MAX: variants seen among roughly 807,000 people sequenced by gnomAD.
MAX encodes the protein protein max.
Under a neutral mutation model 22.3 loss-of-function variants are expected in MAX, and 3 were observed. That is an observed-to-expected ratio of 0.13 (90% confidence interval 0.06 to 0.35). The LOEUF (loss-of-function observed/expected upper bound fraction) is 0.35. Among genes scored for constraint, MAX ranks in the 10% least tolerant of loss-of-function variants. MAX has a pLI of 1.00. For missense variants in MAX, 119 were observed against 209.4 expected (o/e 0.57, Z 2.66); for synonymous variants, 72 against 77.7 (o/e 0.93, Z 0.39).
At chr14:65,061,385 A>G in intron 3 of MAX, 1 of 1,595,782 alleles carries the variant, frequency 6.3e-7, no homozygotes, top group Non-Finnish European at 8.5e-7. Flanking sequence ...TTCAATACAT[A>G]CTGCATTCTG....
rs993607346 is a variant in MAX at position 65,007,932 on chromosome 14, A to G, written c.172-1648T>C. On this transcript the variant is annotated intron_variant, in intron 3 of 3. Transcript: ENST00000341653. This position sits in a 1 kb window ranked among gnomAD's most constrained non-coding sequence, Gnocchi z 4.9. ...ATAGAGCCCTGGAGGTTAAGTGCTGACAATGGCTCTGAAGCCAGAATACTC... is the reference window on the plus strand; with the variant it reads ...ATAGAGCCCTGGAGGTTAAGTGCTGGCAATGGCTCTGAAGCCAGAATACTC... Among the ~76,000 whole-genome samples the G allele has an allele frequency of 2.6e-5, 4 of 152,208 alleles. No homozygotes were observed. The highest frequency in any genetic ancestry group is 2.9e-5 in the Non-Finnish European group (2 of 68,038).
In MAX at chr14:65,075,524, A is replaced by T; in HGVS notation, c.*952T>A. The T allele has an allele frequency of 9.4e-7, 1 of 1,065,502 alleles. No individual in the cohort carries two copies. Among genetic ancestry groups the T allele is most frequent in the Non-Finnish European group, 1.1e-6 (1 of 879,136 alleles). The allele number at this position is 1,065,502 out of a possible 1,614,324, so 66.0% of individuals were successfully genotyped here. On this transcript the variant is annotated 3_prime_UTR_variant, in exon 5 of 5. Transcript: ENST00000358664. This position sits in a 1 kb window ranked among gnomAD's most constrained non-coding sequence, Gnocchi z 4.1. ...AAAATCAGTTGGCTCTATTTCTTAGAAATACACACGGGAAGAAAGAAAGAT... is the reference window on the plus strand; with the variant it reads ...AAAATCAGTTGGCTCTATTTCTTAGTAATACACACGGGAAGAAAGAAAGAT...
chr14:65,087,013 C>T (rs2063352500), intron 3 of MAX, among the ~76,000 whole-genome samples: 1 of 152,208 alleles, frequency 6.6e-6, no homozygotes, highest in Admixed American at 6.5e-5. Flanking sequence ...TGAAAGGGCC[C>T]AATGCAGAGC....
chr14:65,093,289 C>T lies in MAX; in HGVS notation c.171+419G>A, dbSNP rs192554469. Among the ~76,000 whole-genome samples, 239 of 132,794 alleles carry T rather than the reference C, an allele frequency of 1.8e-3. 3 individuals carry two copies. Among genetic ancestry groups the T allele is most frequent in the Non-Finnish European group, 1.9e-4 (12 of 64,540 alleles). 87.1% of individuals were successfully genotyped at this position (132,794 alleles called of 152,430 possible). A position where few individuals can be genotyped will look rare whatever the true frequency, so the allele number is the denominator to read the frequency against. On this transcript the variant is annotated intron_variant, in intron 3 of 4. Coordinates refer to ENST00000358664, the MANE Select transcript of MAX (RefSeq NM_002382.5). This position sits in a 1 kb window ranked among gnomAD's most constrained non-coding sequence, Gnocchi z 4.4. ...TTCACATACATTACACACATTTCTG[C>T]AAGTGCTCATTTACAATAAAGTATT... is the stretch of plus-strand genomic sequence containing the variant.
rs1347865941 is a variant in MAX, at chr14:65,028,893, G to A, written c.172-22609C>T. 1.3e-5 allele frequency among the ~76,000 whole-genome samples: 2 copies of A among 152,106 alleles called. No homozygotes were observed. The highest frequency in any genetic ancestry group is 4.8e-5 in the African/African-American group (2 of 41,386). On this transcript the variant is annotated intron_variant, in intron 3 of 3. Transcript: ENST00000341653. The surrounding 1 kb of genome is among the most constrained non-coding windows in gnomAD (Gnocchi z 4.4). ...AAAATATGCACAGTCTTGAAACGCA[G>A]CTTTTAAAAACCTACTAAGATTATT...
At chr14:65,060,712 A>AAAAAAAAAAAAAAC (rs2062844530) in intron 3 of MAX, among the ~76,000 whole-genome samples, 1 of 141,196 alleles carries the variant, frequency 7.1e-6, no homozygotes. Flanking sequence ...AAAAAAAAAA[A>AAAAAAAAAAAAAAC]AAATACAAAA....
chr14:65,015,538 G>T, intron 3 of MAX: 1 of 1,416,184 alleles, frequency 7.1e-7, no homozygotes, highest in Middle Eastern at 1.9e-4. Flanking sequence ...TTGCCAGGCT[G>T]CTGGGAGTGA....
chr14:65,072,146 GA>G (rs2062994031), downstream of MAX, among the ~76,000 whole-genome samples: 1 of 152,172 alleles, frequency 6.6e-6, no homozygotes, highest in Admixed American at 6.5e-5. Context: ...AGGCTTTTGA[GA>G]ATGCATCCTG....
chr14:65,032,826 T>TTTTTTTAAATA lies in MAX; in HGVS notation c.172-26543_172-26542insTATTTAAAAAA. On this transcript the variant is annotated intron_variant, in intron 3 of 3. Coordinates refer to the MAX transcript ENST00000341653. The surrounding 1 kb of genome is among the most constrained non-coding windows in gnomAD (Gnocchi z 5.0). ...AATCACAGGAGATCCATTAGGGTTA[T>TTTTTTTAAATA]CTAATGATTTTTTTAAATACTTAAA... 1.4e-6 allele frequency: 1 copy of TTTTTTTAAATA among 739,678 alleles called. No individual in the cohort carries two copies. Among genetic ancestry groups the TTTTTTTAAATA allele is most frequent in the Admixed American group, 3.9e-5 (1 of 25,720 alleles). The allele number at this position is 739,678 out of a possible 1,614,324, so 45.8% of individuals were successfully genotyped here.
chr14:65,085,492 G>C (rs1462916644), intron 3 of MAX, among the ~76,000 whole-genome samples: 1 of 152,226 alleles, frequency 6.6e-6, no homozygotes, highest in Non-Finnish European at 1.5e-5. Flanking sequence ...GAGCTCTCTA[G>C]TACTCTTGGG....
At chr14:65,073,008 C>T (rs1224534566), downstream of MAX, among the ~76,000 whole-genome samples, 3 of 152,184 alleles carry the variant, frequency 2.0e-5, no homozygotes, top group African/African-American at 7.2e-5. Context: ...GCTTTTTCCA[C>T]CTTGCTGAGT....
Position 65,084,791 on chromosome 14 carries a change from T to C in MAX, c.172-6755A>G, listed in dbSNP as rs946139298. ...AATAGTACTTTCCCTGTGGGGAGCATGTAGATGAAGAGACCAGGAAGGAAT... is the reference window on the plus strand; with the variant it reads ...AATAGTACTTTCCCTGTGGGGAGCACGTAGATGAAGAGACCAGGAAGGAAT... On this transcript the variant is annotated intron_variant, in intron 3 of 4. Coordinates refer to ENST00000358664, the MANE Select transcript of MAX (RefSeq NM_002382.5). The surrounding 1 kb of genome is among the most constrained non-coding windows in gnomAD (Gnocchi z 4.3). 6.6e-6 allele frequency among the ~76,000 whole-genome samples: 1 copy of C among 152,146 alleles called. No individual in the cohort carries two copies. Among genetic ancestry groups the C allele is most frequent in the African/African-American group, 2.4e-5 (1 of 41,420 alleles).
intron 3 of MAX, among the ~76,000 whole-genome samples, chr14:65,017,554 C>T (rs367933494): frequency 1.2e-4 from 19 of 152,218 alleles, no homozygotes; most frequent in African/African-American, 4.3e-4. Flanking sequence ...GTGTCAGCGC[C>T]GCTTCTGGGG....
At position 65,102,359 on chromosome 14, in the gene MAX, G is replaced by A. The variant is rs778366254; in HGVS notation, c.-20C>T. On this transcript the variant is annotated 5_prime_UTR_variant, in exon 1 of 5. Transcript: ENST00000358664. ...GCTCATTTCCTACGGCCCAGGGAGC[G>A]GCCACTGCAGCGGCGGCGGGGAGGG... 7.8e-5 allele frequency: 126 copies of A among 1,613,236 alleles called. No homozygotes were observed. The highest frequency in any genetic ancestry group is 1.0e-4 in the Non-Finnish European group (123 of 1,179,682).
rs1595130096 is a variant in MAX at position 65,077,726 on chromosome 14, C to T, written c.295+187G>A. 1 of 1,595,788 alleles carries T rather than the reference C, an allele frequency of 6.3e-7. No individual in the cohort carries two copies. The highest frequency in any genetic ancestry group is 1.7e-5 in the Admixed American group (1 of 57,368). ...AACTTCCTAGCTTCCACTGTCTCCT[C>T]ACTGGCGCCTCAGGTCCTTCCTCAG... On this transcript the variant is annotated intron_variant, in intron 4 of 4. Coordinates refer to ENST00000358664, the MANE Select transcript of MAX (RefSeq NM_002382.5). This position sits in a 1 kb window ranked among gnomAD's most constrained non-coding sequence, Gnocchi z 6.3.
rs577611755 is a variant in MAX, at chr14:65,052,154, A to G, written c.171+41554T>C. 7.2e-5 allele frequency among the ~76,000 whole-genome samples: 11 copies of G among 152,302 alleles called. No homozygotes were observed. In the South Asian group the frequency reaches 2.3e-3, roughly 32 times the overall value. On this transcript the variant is annotated intron_variant, in intron 3 of 3. Transcript: ENST00000341653. ...GATTTTTAGCTCAGTTCTTTTTATGATACAGTTACCTTATATGTCCACTTA... is the reference window on the plus strand; with the variant it reads ...GATTTTTAGCTCAGTTCTTTTTATGGTACAGTTACCTTATATGTCCACTTA...
rs1211456060 is a variant in MAX, at chr14:65,032,013, T to TAC, written c.172-25730_172-25729insGT. ...GTGTGTGTGTGTGTGTGTGTGTGTGTGTGTGTACTGGTGAGAGGTTTGAAA... is the reference window on the plus strand; with the variant it reads ...GTGTGTGTGTGTGTGTGTGTGTGTGTACGTGTGTACTGGTGAGAGGTTTGAAA... On this transcript the variant is annotated intron_variant, in intron 3 of 3. Coordinates refer to the MAX transcript ENST00000341653. This position sits in a 1 kb window ranked among gnomAD's most constrained non-coding sequence, Gnocchi z 5.0. Among the ~76,000 whole-genome samples the TAC allele has an allele frequency of 4.0e-5, 6 of 151,810 alleles. No individual in the cohort carries two copies. The highest frequency in any genetic ancestry group is 1.4e-4 in the African/African-American group (6 of 41,452).
Position 65,075,516 on chromosome 14 carries a change from T to C in MAX, c.*960A>G. On this transcript the variant is annotated 3_prime_UTR_variant, in exon 5 of 5. Transcript: ENST00000358664. The surrounding 1 kb of genome is among the most constrained non-coding windows in gnomAD (Gnocchi z 4.1). ...TTACATACAAAATCAGTTGGCTCTA[T>C]TTCTTAGAAATACACACGGGAAGAA... 1 of 1,065,386 alleles carries C rather than the reference T, an allele frequency of 9.4e-7. No homozygotes were observed. The highest frequency in any genetic ancestry group is 1.1e-6 in the Non-Finnish European group (1 of 879,064). 66.0% of individuals were successfully genotyped at this position (1,065,386 alleles called of 1,614,324 possible). A position where few individuals can be genotyped will look rare whatever the true frequency, so the allele number is the denominator to read the frequency against.
At chr14:65,040,293 A>G (rs935360886) in intron 3 of MAX, among the ~76,000 whole-genome samples, 7 of 149,272 alleles carry the variant, frequency 4.7e-5, no homozygotes, top group Non-Finnish European at 1.0e-4. Flanking sequence ...GTATATATAT[A>G]TATGTATATA....
Sources: allele counts gnomAD v4.1 joint callset (sites outside exome capture counted in the v4.1 genomes callset), GRCh38; gene constraint gnomAD v4.1.1; non-coding constraint Gnocchi (gnomAD v3.1); transcripts MANE v1.5; gene names NCBI Gene and HGNC (gene_info 2026-07-23, HGNC 2026-07-21).